The following COL7A1 variants were observed in gnomAD, a reference collection of about 807,000 sequenced individuals.
The protein encoded by COL7A1 is collagen alpha-1(VII) chain.
COL7A1 carries 296 observed loss-of-function variants against 456.2 expected under a neutral mutation model. The observed-to-expected ratio is 0.65, with a 90% CI of 0.59 to 0.71. The LOEUF is 0.71. Ranked by LOEUF, COL7A1 falls within the 30% of genes least tolerant of loss-of-function variation. The pLI, the probability that COL7A1 is intolerant of heterozygous loss-of-function variation, is 0.00. For synonymous variants in COL7A1, 1,464 were observed against 1,525.9 expected (o/e 0.96, Z 0.95); for missense variants, 3,441 against 4,017.2 (o/e 0.86, Z 3.88).
Position 48,572,535 on chromosome 3 carries a change from CAGCCTGTG to C in COL7A1, c.6901-5_6903del, listed in dbSNP as rs2107657268. 1 of 1,613,742 alleles carries C rather than the reference CAGCCTGTG, an allele frequency of 6.2e-7. No individual in the cohort carries two copies. Among genetic ancestry groups the C allele is most frequent in the Non-Finnish European group, 8.5e-7 (1 of 1,179,790 alleles). On this transcript the variant is annotated splice_acceptor_variant and splice_polypyrimidine_tract_variant and coding_sequence_variant and intron_variant, in exon 89 of 119. Transcript: ENST00000681320. LOFTEE classifies it high-confidence loss of function. The surrounding 1 kb of genome is among the most constrained non-coding windows in gnomAD (Gnocchi z 4.6). ...CCCTTTGCTCCAGGGAGCCCGACCA[CAGCCTGTG>C]GGGAATGCTAGTGAGTTTCCTCCTC...
chr3:48,565,631 C>T lies in COL7A1; in HGVS notation c.8440+5G>A, dbSNP rs1369344852. ...AGAAAGTTCTGGGAGTAGAAAACTA[C>T]TCACGTGATCCAGATGCGATGAACT... On this transcript the variant is annotated splice_donor_5th_base_variant and intron_variant, in intron 115 of 118. Coordinates refer to ENST00000681320, the MANE Select transcript of COL7A1 (RefSeq NM_000094.4). The surrounding 1 kb of genome is among the most constrained non-coding windows in gnomAD (Gnocchi z 4.5). 3 of 1,613,914 alleles carry T rather than the reference C, an allele frequency of 1.9e-6. No individual in the cohort carries two copies. The highest frequency in any genetic ancestry group is 2.5e-6 in the Non-Finnish European group (3 of 1,180,016).
chr3:48,589,236 A>AGG, intron 18 of COL7A1, 91 bp downstream of exon 18: 19 of 1,581,438 alleles, frequency 1.2e-5, no homozygotes, highest in Non-Finnish European at 1.6e-5. Context: ...GTCACTGAGC[A>AGG]GGGGGGTGGA....
chr3:48,585,599 G>C lies in COL7A1; in HGVS notation c.3852C>G (p.Gly1284=), dbSNP rs1369266753. ...TGGCACTTCCAGGGGGCCCCTGGGGGCCGGGAGCACCGGTCCTGCCCTGAA... is the reference window on the plus strand; with the variant it reads ...TGGCACTTCCAGGGGGCCCCTGGGGCCCGGGAGCACCGGTCCTGCCCTGAA... ...PGLPGRTGAP[G]PQGPPGSATA... The change falls in exon 32 of 119, where the codon GGC becomes GGG. Residue 1284 remains glycine, a synonymous_variant. Transcript: ENST00000681320. This position sits in a 1 kb window ranked among gnomAD's most constrained non-coding sequence, Gnocchi z 4.5. The C allele has an allele frequency of 6.2e-7, 1 of 1,614,008 alleles. No individual in the cohort carries two copies. Among genetic ancestry groups the C allele is most frequent in the Admixed American group, 1.7e-5 (1 of 60,030 alleles).
In COL7A1 at chr3:48,591,682, C is replaced by T; in HGVS notation, c.1498G>A (p.Val500Ile). The T allele has an allele frequency of 6.2e-7, 1 of 1,614,092 alleles. No individual in the cohort carries two copies. The highest frequency in any genetic ancestry group is 8.5e-7 in the Non-Finnish European group (1 of 1,180,014). ...CCCACAGAGCCCTCACCAGTGGGAA[C>T]CACGGTTGCAGGGGTGGCCACCTCG... is the stretch of plus-strand genomic sequence containing the variant. ...GHEVATPATV[V>I]PTGPELPVSP... Residue 500 changes from valine to isoleucine, a missense_variant, in exon 12 of 119, where the codon GTT becomes ATT. This residue lies in a region of COL7A1 where 913 missense variants were observed against 1,088.2 expected (regional missense o/e 0.84). Coordinates refer to ENST00000681320, the MANE Select transcript of COL7A1 (RefSeq NM_000094.4). This position sits in a 1 kb window ranked among gnomAD's most constrained non-coding sequence, Gnocchi z 7.0.
In COL7A1 at chr3:48,567,968, T is replaced by C. The variant is rs2043682656; in HGVS notation, c.7876-77A>G. ...ACCCCCTTCACCCTGAAACTAACTCTCCAAACAGGCCTCAGCTACTCCAAC... is the reference window on the plus strand; with the variant it reads ...ACCCCCTTCACCCTGAAACTAACTCCCCAAACAGGCCTCAGCTACTCCAAC... On this transcript the variant is annotated intron_variant, in intron 106 of 118. Coordinates refer to ENST00000681320, the MANE Select transcript of COL7A1 (RefSeq NM_000094.4). The surrounding 1 kb of genome is among the most constrained non-coding windows in gnomAD (Gnocchi z 4.3). 2 of 1,604,496 alleles carry C rather than the reference T, an allele frequency of 1.2e-6. No individual in the cohort carries two copies. The highest frequency in any genetic ancestry group is 2.2e-5 in the South Asian group (2 of 90,784).
At position 48,565,756 on chromosome 3, in the gene COL7A1, G is replaced by T; in HGVS notation, c.8408-88C>A. On this transcript the variant is annotated intron_variant, in intron 114 of 118. Coordinates refer to ENST00000681320, the MANE Select transcript of COL7A1 (RefSeq NM_000094.4). This position sits in a 1 kb window ranked among gnomAD's most constrained non-coding sequence, Gnocchi z 4.5. ...CAGACAGAGACACACAGGCAGAGGGGTAGAGATACACAAAGAGATAGCAGG... is the reference window on the plus strand; with the variant it reads ...CAGACAGAGACACACAGGCAGAGGGTTAGAGATACACAAAGAGATAGCAGG... 7.9e-7 allele frequency: 1 copy of T among 1,272,918 alleles called. No homozygotes were observed. Among genetic ancestry groups the T allele is most frequent in the Non-Finnish European group, 1.1e-6 (1 of 892,630 alleles). 78.9% of individuals were successfully genotyped at this position (1,272,918 alleles called of 1,614,324 possible).
chr3:48,564,089 G>A lies in COL7A1; in HGVS notation c.*317C>T. On this transcript the variant is annotated 3_prime_UTR_variant, in exon 119 of 119. Coordinates refer to ENST00000681320, the MANE Select transcript of COL7A1 (RefSeq NM_000094.4). This position sits in a 1 kb window ranked among gnomAD's most constrained non-coding sequence, Gnocchi z 6.0. ...ACAACAGGAGCCTTTTAAAACAGCA[G>A]CTTTAATGCCCCCCAGAATCAGCAC... 2.1e-6 allele frequency: 1 copy of A among 468,512 alleles called. No homozygotes were observed. Among genetic ancestry groups the A allele is most frequent in the Non-Finnish European group, 4.0e-6 (1 of 252,492 alleles). The allele number at this position is 468,512 out of a possible 1,614,324, so 29.0% of individuals were successfully genotyped here.
Position 48,565,302 on chromosome 3 carries a change from G to A in COL7A1, c.8528-101C>T, listed in dbSNP as rs1437556812. ...GTGTGCACACAGTGCCCATGCGTGT[G>A]CCCTGCATGCAGACCCTACGTGCTT... On this transcript the variant is annotated intron_variant, in intron 116 of 118. Coordinates refer to ENST00000681320, the MANE Select transcript of COL7A1 (RefSeq NM_000094.4). The surrounding 1 kb of genome is among the most constrained non-coding windows in gnomAD (Gnocchi z 4.5). 1.2e-5 allele frequency: 18 copies of A among 1,487,096 alleles called. No homozygotes were observed. The East Asian group carries it at 3.3e-4, about 27-fold the overall frequency. The allele number at this position is 1,487,096 out of a possible 1,614,324, so 92.1% of individuals were successfully genotyped here. A position where few individuals can be genotyped will look rare whatever the true frequency, so the allele number is the denominator to read the frequency against.
At chr3:48,589,142 T>C (rs995976989) in intron 18 of COL7A1, 147 bp from the exon 19 acceptor site, 2 of 1,498,094 alleles carry the variant, frequency 1.3e-6, no homozygotes, top group African/African-American at 1.4e-5. Context: ...GGTCAGTGCC[T>C]TGGGGTGGGC....
Position 48,588,963 on chromosome 3 carries a change from GCAGCCTCGA to G in COL7A1, c.2338_2346del (p.Ser780_Leu782del). 1 of 1,613,554 alleles carries G rather than the reference GCAGCCTCGA, an allele frequency of 6.2e-7. No individual in the cohort carries two copies. On this transcript the variant is annotated inframe_deletion, in exon 19 of 119. Coordinates refer to ENST00000681320, the MANE Select transcript of COL7A1 (RefSeq NM_000094.4). The surrounding 1 kb of genome is among the most constrained non-coding windows in gnomAD (Gnocchi z 4.6). ...ACGTCGCTGGAAGCATTGAGGATCT[GCAGCCTCGA>G]CACACGACCCACAGGCTCAGGGGCT...
chr3:48,580,451 T>C lies in COL7A1; in HGVS notation c.5053-107A>G. ...AATGTTGGTAGCCTTCAGATGCGTG[T>C]GTGCAGGGGTCAAAGGAAGTGAAGA... On this transcript the variant is annotated intron_variant, in intron 55 of 118. Coordinates refer to ENST00000681320, the MANE Select transcript of COL7A1 (RefSeq NM_000094.4). The surrounding 1 kb of genome is among the most constrained non-coding windows in gnomAD (Gnocchi z 4.5). 1 of 1,474,532 alleles carries C rather than the reference T, an allele frequency of 6.8e-7. No individual in the cohort carries two copies. Among genetic ancestry groups the C allele is most frequent in the Non-Finnish European group, 9.4e-7 (1 of 1,068,230 alleles). 91.3% of individuals were successfully genotyped at this position (1,474,532 alleles called of 1,614,324 possible). A position where few individuals can be genotyped will look rare whatever the true frequency, so the allele number is the denominator to read the frequency against.
At position 48,572,213 on chromosome 3, in the gene COL7A1, G is replaced by T. The variant is rs779217841; in HGVS notation, c.6979-42C>A. 17 of 1,613,972 alleles carry T rather than the reference G, an allele frequency of 1.1e-5. No homozygotes were observed. Among genetic ancestry groups the T allele is most frequent in the Non-Finnish European group, 1.3e-5 (15 of 1,179,914 alleles). ...GGAGGCAACACAGGCATCAGTCACA[G>T]AAAGATGAGACTCCGGAGGGAGGCA... On this transcript the variant is annotated intron_variant, in intron 90 of 118. Transcript: ENST00000681320. The surrounding 1 kb of genome is among the most constrained non-coding windows in gnomAD (Gnocchi z 4.6).
chr3:48,576,799 C>A, intron 67 of COL7A1, 28 bp from the exon 68 acceptor site: 1 of 1,613,844 alleles, frequency 6.2e-7, no homozygotes, highest in Non-Finnish European at 8.5e-7. Flanking sequence ...AGCATCAGCA[C>A]CCTGAGACCT....
At position 48,584,681 on chromosome 3, in the gene COL7A1, A is replaced by G; in HGVS notation, c.4047+53T>C. 1.9e-6 allele frequency: 3 copies of G among 1,613,574 alleles called. No homozygotes were observed. In the South Asian group the frequency reaches 3.3e-5, roughly 18 times the overall value. ...CCCTGCACAGGGTCTGGTGTGGGGCAGTCCTGCTCCTCCCTGGGACATCCC... is the reference window on the plus strand; with the variant it reads ...CCCTGCACAGGGTCTGGTGTGGGGCGGTCCTGCTCCTCCCTGGGACATCCC... On this transcript the variant is annotated intron_variant, in intron 35 of 118. Coordinates refer to ENST00000681320, the MANE Select transcript of COL7A1 (RefSeq NM_000094.4).
At position 48,586,932 on chromosome 3, in the gene COL7A1, CCTCAGGGAGAGG is replaced by C. The variant is rs1559421523; in HGVS notation, c.3276+28_3276+39del. The C allele has an allele frequency of 6.4e-7, 1 of 1,564,436 alleles. No individual in the cohort carries two copies. The highest frequency in any genetic ancestry group is 1.2e-5 in the South Asian group (1 of 85,022). ...ACTGGTATGGAGCCTGGGTGGGGGG[CCTCAGGGAGAGG>C]TAGAATCTGGCTGCCCCAGGGCCAA... On this transcript the variant is annotated intron_variant, in intron 25 of 118. Transcript: ENST00000681320. This position sits in a 1 kb window ranked among gnomAD's most constrained non-coding sequence, Gnocchi z 5.1.
Position 48,571,894 on chromosome 3 carries a change from A to AGCCC in COL7A1, c.7068+103_7068+106dup, listed in dbSNP as rs1325037581. 1 of 1,367,614 alleles carries AGCCC rather than the reference A, an allele frequency of 7.3e-7. No individual in the cohort carries two copies. Among genetic ancestry groups the AGCCC allele is most frequent in the African/African-American group, 1.4e-5 (1 of 69,436 alleles). 84.7% of individuals were successfully genotyped at this position (1,367,614 alleles called of 1,614,324 possible). On this transcript the variant is annotated intron_variant, in intron 92 of 118. Coordinates refer to ENST00000681320, the MANE Select transcript of COL7A1 (RefSeq NM_000094.4). The surrounding 1 kb of genome is among the most constrained non-coding windows in gnomAD (Gnocchi z 4.6). ...CAGGCTCCTGGATGTTGGGACATGCAGCCCGACTCAGGGGCTCAGACATGT... is the reference window on the plus strand; with the variant it reads ...CAGGCTCCTGGATGTTGGGACATGCAGCCCGCCCGACTCAGGGGCTCAGACATGT...
Position 48,575,236 on chromosome 3 carries a change from G to A in COL7A1, c.6187C>T (p.Arg2063Trp), listed in dbSNP as rs121912849. Residue 2063 changes from arginine (R) to tryptophan (W), a missense_variant, in exon 75 of 119, where the codon CGG (arginine) becomes TGG (tryptophan). This residue lies in a region of COL7A1 where 2,084 missense variants were observed against 2,501.3 expected (regional missense o/e 0.83). Transcript: ENST00000681320. The surrounding 1 kb of genome is among the most constrained non-coding windows in gnomAD (Gnocchi z 6.3). ...TCTCCACGTTCTCCTTTCTCTCCCCGTTCTCCCTGAAATGCAAATAGCGGG... is the reference window on the plus strand; with the variant it reads ...TCTCCACGTTCTCCTTTCTCTCCCCATTCTCCCTGAAATGCAAATAGCGGG... The part of the protein sequence containing the change: ...EAGRPGERGE[R>W]GEKGERGEQG... The A allele has an allele frequency of 8.1e-6, 13 of 1,613,812 alleles. No individual in the cohort carries two copies. The highest frequency in any genetic ancestry group is 2.2e-5 in the East Asian group (1 of 44,882).
At position 48,581,189 on chromosome 3, in the gene COL7A1, AG is replaced by A; in HGVS notation, c.4900-33del. 1 of 1,613,188 alleles carries A rather than the reference AG, an allele frequency of 6.2e-7. No homozygotes were observed. The highest frequency in any genetic ancestry group is 8.5e-7 in the Non-Finnish European group (1 of 1,179,676). On this transcript the variant is annotated intron_variant, in intron 52 of 118. Transcript: ENST00000681320. The surrounding 1 kb of genome is among the most constrained non-coding windows in gnomAD (Gnocchi z 5.8). ...AACATGAGAGTCAGCCCTGGTTCCA[AG>A]AACCCCCATGATGCTGGCAACAGCC...
rs9878950 is a variant in COL7A1 at position 48,571,073 on chromosome 3, T to C, written c.7164+28A>G. ...CTGTGGGGGCCCGGCCTGCTGCCCC[T>C]ACAACTGGTGATGGGGCATTGACTT... is the stretch of plus-strand genomic sequence containing the variant. On this transcript the variant is annotated intron_variant, in intron 94 of 118. Coordinates refer to ENST00000681320, the MANE Select transcript of COL7A1 (RefSeq NM_000094.4). The surrounding 1 kb of genome is among the most constrained non-coding windows in gnomAD (Gnocchi z 4.6). The C allele has an allele frequency of 0.056, 90,318 of 1,612,936 alleles. 7,668 individuals are homozygous for C. Among genetic ancestry groups the C allele is most frequent in the African/African-American group, 0.4 (29,644 of 74,916 alleles).
Sources: gnomAD v4.1 joint callset for allele counts on GRCh38, gnomAD v4.1.1 for gene constraint, gnomAD v4.1.1 regional missense constraint, Gnocchi (gnomAD v3.1) non-coding constraint, MANE v1.5 for transcripts, NCBI Gene and HGNC (gene_info 2026-07-23, HGNC 2026-07-21) for gene names.